RYR2: variants seen among roughly 807,000 people sequenced by gnomAD.
RYR2 encodes cardiac muscle ryanodine receptor-calcium release channel.
Under a neutral mutation model 601.1 loss-of-function variants are expected in RYR2, and 227 were observed. That is an observed-to-expected ratio of 0.38 (90% CI 0.34 to 0.42). The LOEUF is 0.42. RYR2 is among the 10% of genes least tolerant of loss of function. The pLI, the probability that RYR2 is intolerant of heterozygous loss-of-function variation, is 1.00. For synonymous variants in RYR2, 2,223 were observed against 2,175.1 expected, an observed-to-expected ratio of 1.02 and a Z score of -0.61; for missense variants, 4,646 against 6,156.5, an observed-to-expected ratio of 0.75 and a Z score of 8.21.
chr1:237,829,608 G>C (rs906327671), intron 102 of RYR2, among the ~76,000 whole-genome samples: 1 of 152,184 alleles, frequency 6.6e-6, no homozygotes, highest in Non-Finnish European at 1.5e-5. Context: ...ATGAAGACCT[G>C]ATCGATTGTT....
intron 58 of RYR2, among the ~76,000 whole-genome samples, chr1:237,672,926 A>G (rs77674301): frequency 0.012 from 1,899 of 152,284 alleles, 56 homozygotes; most frequent in East Asian, 0.079. Context: ...ACCTAATGGT[A>G]TTAAAGTTCA....
rs1411593172 is a variant in RYR2 at position 237,705,269 on chromosome 1, C to G, written c.9506C>G (p.Ala3169Gly). ...LAAFAGAFPV[A>G]FLETHLDKHN... Reference sequence around the variant, plus strand: ...GCCTTTGCTGGTGCTTTTCCTGTAGCATTTTTGGAAACTCATCTGGACAAA... The same window carrying G: ...GCCTTTGCTGGTGCTTTTCCTGTAGGATTTTTGGAAACTCATCTGGACAAA... Residue 3169 changes from alanine to glycine, a missense_variant, in exon 67 of 105, where the codon GCA becomes GGA. Ala to Gly is a moderately conservative substitution (Grantham distance 60, BLOSUM62 0). This residue lies in a region of RYR2 where 1,497 missense variants were observed against 1,842.6 expected (regional missense o/e 0.81). Transcript: ENST00000366574. 1.2e-6 allele frequency: 2 copies of G among 1,606,110 alleles called. No individual in the cohort carries two copies. The highest frequency in any genetic ancestry group is 1.7e-6 in the Non-Finnish European group (2 of 1,175,400).
chr1:237,111,583 G>A (rs1370064204), intron 1 of RYR2, among the ~76,000 whole-genome samples: 1 of 114,634 alleles, frequency 8.7e-6, no homozygotes, highest in African/African-American at 3.3e-5. Flanking sequence ...ATGAGACTCC[G>A]TCTCTTTAAA....
chr1:237,140,929 T>G (rs1304284990), intron 1 of RYR2, among the ~76,000 whole-genome samples: 1 of 152,220 alleles, frequency 6.6e-6, no homozygotes, highest in Non-Finnish European at 1.5e-5. Context: ...AGGGAGTGCA[T>G]CTGCTGTGTT....
At chr1:237,174,484 G>C (rs1433960083) in intron 1 of RYR2, among the ~76,000 whole-genome samples, 1 of 152,088 alleles carries the variant, frequency 6.6e-6, no homozygotes, top group East Asian at 1.9e-4. Flanking sequence ...TATTGATGTT[G>C]GCCATTTGCA....
At chr1:237,786,930 A>G (rs1657662291) in intron 91 of RYR2, among the ~76,000 whole-genome samples, 1 of 152,216 alleles carries the variant, frequency 6.6e-6, no homozygotes. Context: ...CATAAAAAGT[A>G]GACACAAATA....
Position 237,674,808 on chromosome 1 carries a change from G to A in RYR2, c.8792G>A (p.Arg2931His), listed in dbSNP as rs905226907. The change falls in exon 60 of 105, where the codon CGC becomes CAC. Residue 2931 changes from arginine (R) to histidine (H), a missense_variant. By Grantham distance (29) the Arg-to-His change is conservative. Transcript: ENST00000366574. Reference protein sequence around the residue: ...FAYSFLQQLIRYVDEAHQYIL... With the variant: ...FAYSFLQQLIHYVDEAHQYIL... ...TATAGTTTCCTCCAACAACTCATTC[G>A]CTATGTGGATGAAGCCCATCAGTAT... 1.1e-5 allele frequency: 17 copies of A among 1,610,440 alleles called. No individual in the cohort carries two copies. The highest frequency in any genetic ancestry group is 2.2e-5 in the East Asian group (1 of 44,806).
rs765577164 is a variant in RYR2, at chr1:237,832,687, C to G, written c.*40C>G. On this transcript the variant is annotated 3_prime_UTR_variant, in exon 105 of 105. Coordinates refer to ENST00000366574, the MANE Select transcript of RYR2 (RefSeq NM_001035.3). The stretch of plus-strand genomic sequence containing the variant: ...ACCTCTAAAAACCAAAACCCTACCC[C>G]TCTCTCTCCCTCTCTCAATTTCTCT... The G allele has an allele frequency of 6.5e-6, 7 of 1,074,426 alleles. No individual in the cohort carries two copies. The highest frequency in any genetic ancestry group is 3.8e-5 in the Admixed American group (2 of 52,258). The allele number at this position is 1,074,426 out of a possible 1,614,324, so 66.6% of individuals were successfully genotyped here.
intron 17 of RYR2, among the ~76,000 whole-genome samples, chr1:237,488,765 A>G (rs1435454297): frequency 6.6e-6 from 1 of 152,004 alleles, no homozygotes; most frequent in African/African-American, 2.4e-5. Flanking sequence ...CCCCAAACCT[A>G]TAAGAACTAA....
At chr1:237,655,388 A>C (rs1683144431) in intron 52 of RYR2, among the ~76,000 whole-genome samples, 1 of 152,170 alleles carries the variant, frequency 6.6e-6, no homozygotes, top group Admixed American at 6.5e-5. Context: ...ATAATGCAAC[A>C]TGGATCAGTT....
chr1:237,811,192 G>A (rs1086493), intron 100 of RYR2, among the ~76,000 whole-genome samples: 28,737 of 152,084 alleles, frequency 0.19, 3,227 homozygotes, highest in East Asian at 0.5. Flanking sequence ...TACATGCAGT[G>A]ACTGTTCCCT....
intron 1 of RYR2, among the ~76,000 whole-genome samples, chr1:237,095,943 C>T (rs1572616920): frequency 6.6e-6 from 1 of 152,340 alleles, no homozygotes; most frequent in Non-Finnish European, 1.5e-5. Flanking sequence ...CCTGAGAAAA[C>T]CACCTTCCAC....
Position 237,639,115 on chromosome 1 carries a change from T to A in RYR2, c.7029T>A (p.Leu2343=), listed in dbSNP as rs1376856675. ...PALRGEGGNG[L]LAAMEEAIKI... Reference sequence around the variant, plus strand: ...TGAGAGGAGAAGGTGGGAATGGGCTTCTTGCAGCAATGGAAGAAGCCATCA... The same window carrying A: ...TGAGAGGAGAAGGTGGGAATGGGCTACTTGCAGCAATGGAAGAAGCCATCA... The change falls in exon 46 of 105, where the codon CTT becomes CTA. Residue 2343 remains leucine (L), a synonymous_variant. Transcript: ENST00000366574. 4 of 1,613,824 alleles carry A rather than the reference T, an allele frequency of 2.5e-6. No homozygotes were observed. The highest frequency in any genetic ancestry group is 2.5e-6 in the Non-Finnish European group (3 of 1,179,888).
chr1:237,046,235 T>C (rs1660587619), intron 1 of RYR2, among the ~76,000 whole-genome samples: 1 of 152,180 alleles, frequency 6.6e-6, no homozygotes, highest in South Asian at 2.1e-4. Flanking sequence ...CCCTAGTTTG[T>C]AGAGGTCCAG....
At chr1:237,690,402 T>C (rs1051908581) in intron 63 of RYR2, among the ~76,000 whole-genome samples, 1 of 152,240 alleles carries the variant, frequency 6.6e-6, no homozygotes, top group African/African-American at 2.4e-5. Context: ...CAATTTTTTG[T>C]GAAATAATTC....
intron 1 of RYR2, among the ~76,000 whole-genome samples, chr1:237,243,756 C>T (rs1686466750): frequency 6.6e-6 from 1 of 152,184 alleles, no homozygotes; most frequent in Non-Finnish European, 1.5e-5. Context: ...TTGAGGCCTG[C>T]TCCTGGGGCG....
intron 56 of RYR2, among the ~76,000 whole-genome samples, chr1:237,666,034 G>A (rs1394321695): frequency 3.3e-5 from 5 of 152,170 alleles, no homozygotes; most frequent in East Asian, 1.9e-4. Flanking sequence ...TCTCTTCCTC[G>A]AGGATTTCCA....
At chr1:237,696,554 T>TC (rs1687456344) in intron 63 of RYR2, among the ~76,000 whole-genome samples, 1 of 151,528 alleles carries the variant, frequency 6.6e-6, no homozygotes, top group Non-Finnish European at 1.5e-5. Context: ...TTTTTTTTTT[T>TC]CAATCAATTG....
At chr1:237,371,658 C>T (rs996020852) in intron 6 of RYR2, among the ~76,000 whole-genome samples, 2 of 152,284 alleles carry the variant, frequency 1.3e-5, no homozygotes, top group East Asian at 3.9e-4. Context: ...GTATCAATAA[C>T]ACTATCCAAC....
Sources: gnomAD v4.1 joint callset for allele counts (sites outside exome capture counted in the v4.1 genomes callset) on GRCh38, gnomAD v4.1.1 for gene constraint, gnomAD v4.1.1 regional missense constraint, MANE v1.5 for transcripts, NCBI Gene and HGNC (gene_info 2026-07-23, HGNC 2026-07-21) for gene names.